ATXN8OS: variants seen among roughly 807,000 people sequenced by gnomAD.
ATXN8OS encodes the protein ATXN8 opposite strand (non-protein coding).
chr13:70,161,293 C>A (rs1001668560), intron 4 of ATXN8OS, among the ~76,000 whole-genome samples: 2 of 152,040 alleles, frequency 1.3e-5, no homozygotes, highest in African/African-American at 2.4e-5. Context: ...TATTTTGCCT[C>A]ATTTACTGTG....
chr13:70,145,953 A>G lies in ATXN8OS; in HGVS notation n.500-1402A>G, dbSNP rs879598192. ...AAAGAGCTTCTGCACAGCAAAAGAA[A>G]CTACCATCAGAGTGAACAGGCAACC... On this transcript the variant is annotated intron_variant and non_coding_transcript_variant, in intron 3 of 4. Coordinates refer to ENST00000678624, the Ensembl canonical transcript of ATXN8OS. Among the ~76,000 whole-genome samples the G allele has an allele frequency of 3.7e-3, 549 of 148,190 alleles. 5 individuals are homozygous for G. Among genetic ancestry groups the G allele is most frequent in the Non-Finnish European group, 5.4e-3 (359 of 67,078 alleles).
intron 3 of ATXN8OS, among the ~76,000 whole-genome samples, chr13:70,144,375 C>G (rs1490876444): frequency 1.3e-5 from 2 of 152,104 alleles, no homozygotes; most frequent in East Asian, 3.9e-4. Context: ...TTACATATAT[C>G]ACCTGTTTTT....
At position 70,160,578 on chromosome 13, in the gene ATXN8OS, C is replaced by T. The variant is rs375443443; in HGVS notation, n.574-9175C>T. On this transcript the variant is annotated intron_variant and non_coding_transcript_variant, in intron 4 of 4. Transcript: ENST00000678624. ...TTGTCATATTTTCAATATGGAAATGCAGTTTTACACAGTTATGCATGTTTA... is the reference window on the plus strand; with the variant it reads ...TTGTCATATTTTCAATATGGAAATGTAGTTTTACACAGTTATGCATGTTTA... Among the ~76,000 whole-genome samples, 7 of 150,634 alleles carry T rather than the reference C, an allele frequency of 4.6e-5. No homozygotes were observed. In the East Asian group the frequency reaches 1.4e-3, roughly 29 times the overall value.
At chr13:70,142,202 G>T (rs564394820) in intron 3 of ATXN8OS, among the ~76,000 whole-genome samples, 6 of 152,260 alleles carry the variant, frequency 3.9e-5, no homozygotes, top group African/African-American at 1.2e-4. Flanking sequence ...AACATGTACA[G>T]AATATGGGTA....
At chr13:70,135,455 C>T (rs186179280) in intron 3 of ATXN8OS, among the ~76,000 whole-genome samples, 50 of 152,164 alleles carry the variant, frequency 3.3e-4, no homozygotes, top group Admixed American at 5.2e-4. Context: ...TCACTCTACA[C>T]TCCCTTTTTT....
intron 2 of ATXN8OS, among the ~76,000 whole-genome samples, chr13:70,121,530 T>A (rs970860334): frequency 2.0e-5 from 3 of 152,086 alleles, no homozygotes; most frequent in African/African-American, 7.2e-5. Context: ...AATATTTTTT[T>A]TCTCCACCCA....
At chr13:70,128,272 A>G (rs1888473547) in intron 2 of ATXN8OS, among the ~76,000 whole-genome samples, 1 of 152,184 alleles carries the variant, frequency 6.6e-6, no homozygotes, top group South Asian at 2.1e-4. Flanking sequence ...CATCTAGAAT[A>G]ACACAGCTGG....
intron 1 of ATXN8OS, among the ~76,000 whole-genome samples, chr13:70,110,538 G>C (rs907484943): frequency 1.3e-5 from 2 of 151,736 alleles, no homozygotes; most frequent in Non-Finnish European, 2.9e-5. Flanking sequence ...AGAGAGGAAA[G>C]TGAGAAGGAC....
chr13:70,164,089 T>A (rs1354239110), intron 4 of ATXN8OS, among the ~76,000 whole-genome samples: 1 of 147,182 alleles, frequency 6.8e-6, no homozygotes, highest in East Asian at 2.0e-4. Flanking sequence ...ATTATTATTA[T>A]TATTATCCTG....
At chr13:70,127,987 A>G (rs1888467930) in intron 2 of ATXN8OS, among the ~76,000 whole-genome samples, 1 of 151,990 alleles carries the variant, frequency 6.6e-6, no homozygotes, top group African/African-American at 2.4e-5. Flanking sequence ...GTTGTTATAT[A>G]ATGAACAATG....
rs140592219 is a variant in ATXN8OS, at chr13:70,171,484, C to T, written n.2305C>T. 2.1e-3 allele frequency among the ~76,000 whole-genome samples: 321 copies of T among 152,184 alleles called. 5 individuals are homozygous for T. Among genetic ancestry groups the T allele is most frequent in the Middle Eastern group, 0.014 (4 of 294 alleles). On this transcript the variant is annotated non_coding_transcript_exon_variant, in exon 5 of 5. Coordinates refer to ENST00000678624, the Ensembl canonical transcript of ATXN8OS. ...GATAATTGTGTACATTTTAATAAGA[C>T]TCGTGGTGCAGTACATTTGTTTATG...
At chr13:70,157,656 A>T (rs1049157317) in intron 4 of ATXN8OS, among the ~76,000 whole-genome samples, 1 of 152,130 alleles carries the variant, frequency 6.6e-6, no homozygotes, top group South Asian at 2.1e-4. Flanking sequence ...ACGCAGCTTA[A>T]CACATAGTTG....
chr13:70,162,860 G>A (rs1889027044), intron 4 of ATXN8OS, among the ~76,000 whole-genome samples: 2 of 151,932 alleles, frequency 1.3e-5, no homozygotes, highest in Admixed American at 6.6e-5. Context: ...TTTTAGATCT[G>A]GCAAACTAAT....
intron 3 of ATXN8OS, among the ~76,000 whole-genome samples, chr13:70,143,064 T>C (rs1888738445): frequency 6.8e-6 from 1 of 147,156 alleles, no homozygotes. Flanking sequence ...TGAAACTCCG[T>C]CTAAAAAAAA....
At chr13:70,151,228 A>T (rs553527540) in intron 4 of ATXN8OS, among the ~76,000 whole-genome samples, 1 of 152,282 alleles carries the variant, frequency 6.6e-6, no homozygotes, top group East Asian at 1.9e-4. Flanking sequence ...CACCATGTTG[A>T]ACAGCAGATC....
At chr13:70,167,691 G>C (rs1313978918) in intron 4 of ATXN8OS, among the ~76,000 whole-genome samples, 1 of 143,208 alleles carries the variant, frequency 7.0e-6, no homozygotes, top group East Asian at 2.1e-4. Flanking sequence ...AATTCAGAAA[G>C]AGCGAAAATA....
chr13:70,169,511 G>C (rs1889119048), intron 4 of ATXN8OS, among the ~76,000 whole-genome samples: 1 of 151,982 alleles, frequency 6.6e-6, no homozygotes, highest in Non-Finnish European at 1.5e-5. Flanking sequence ...AGCCAGGCTG[G>C]TCTCAAACTG....
At chr13:70,121,965 T>C (rs1421845079) in intron 2 of ATXN8OS, among the ~76,000 whole-genome samples, 1 of 152,034 alleles carries the variant, frequency 6.6e-6, no homozygotes, top group East Asian at 1.9e-4. Flanking sequence ...GTTATTAATA[T>C]TTTTAGATTA....
intron 3 of ATXN8OS, chr13:70,130,948 G>A (rs1057494811): frequency 1.8e-5 from 7 of 398,356 alleles, no homozygotes; most frequent in South Asian, 1.3e-4. Flanking sequence ...AAAGGAAGAT[G>A]ACGTATTTTA....
Sources: allele counts gnomAD v4.1 joint callset (sites outside exome capture counted in the v4.1 genomes callset), GRCh38; gene constraint gnomAD v4.1.1; transcripts MANE v1.5; gene names NCBI Gene and HGNC (gene_info 2026-07-23, HGNC 2026-07-21).